Variants in MAF observed in about 807,000 individuals in gnomAD.
The protein encoded by MAF is MAF bZIP transcription factor, also known as transcription factor Maf.
MAF carries 10 observed loss-of-function variants against 22.0 expected under a neutral mutation model. The observed-to-expected ratio is 0.45, with a 90% confidence interval of 0.28 to 0.77. MAF has a LOEUF of 0.77. Among genes scored for constraint, MAF ranks in the 30% least tolerant of loss-of-function variants. The probability of loss-of-function intolerance (pLI) is 0.12; values close to 1 mark genes in which losing one functional copy is unlikely to be tolerated. For synonymous variants in MAF, 337 were observed against 255.8 expected, an observed-to-expected ratio of 1.32 and a Z score of -3.03; for missense variants, 544 against 548.4, an observed-to-expected ratio of 0.99 and a Z score of 0.08.
chr16:79,554,167 C>A, the MAF span, among the ~76,000 whole-genome samples: 2 of 151,976 alleles, frequency 1.3e-5, no homozygotes, highest in African/African-American at 4.8e-5. Context: ...TTCTAAAGTG[C>A]TGTTCACTTA....
the MAF span, among the ~76,000 whole-genome samples, chr16:79,449,686 C>G: frequency 6.6e-6 from 1 of 152,132 alleles, no homozygotes; most frequent in Non-Finnish European, 1.5e-5. Context: ...AGTGATGTTC[C>G]AGAAGTTTTT....
chr16:79,377,094 G>A, the MAF span, among the ~76,000 whole-genome samples: 19 of 152,182 alleles, frequency 1.2e-4, no homozygotes, highest in Middle Eastern at 3.4e-3. Flanking sequence ...CTGAGGAATC[G>A]CCACACTGAC....
At chr16:79,505,714 G>T in the MAF span, 1 of 152,264 alleles carries the variant, frequency 6.6e-6, no homozygotes, top group Non-Finnish European at 1.5e-5. Flanking sequence ...ATAAGGTGAG[G>T]CGACTGGGGT....
chr16:79,528,656 GAGA>G, the MAF span, among the ~76,000 whole-genome samples: 3 of 141,678 alleles, frequency 2.1e-5, no homozygotes, highest in Non-Finnish European at 4.7e-5. Context: ...AATTCGAAGG[GAGA>G]AAAAAAAAAA....
At chr16:79,206,767 G>A in the MAF span, 3 of 152,172 alleles carry the variant, frequency 2.0e-5, no homozygotes, top group Non-Finnish European at 2.9e-5. Context: ...GAAGTATCAC[G>A]GTGGAAGAAG....
chr16:79,279,399 G>T, the MAF span, among the ~76,000 whole-genome samples: 1 of 152,218 alleles, frequency 6.6e-6, no homozygotes, highest in African/African-American at 2.4e-5. Context: ...TAAGGGACAC[G>T]TAAAGGTTAG....
chr16:79,260,029 T>C, the MAF span, among the ~76,000 whole-genome samples: 1 of 152,032 alleles, frequency 6.6e-6, no homozygotes, highest in Non-Finnish European at 1.5e-5. Flanking sequence ...GCTAAGAGAG[T>C]GGGCAGCTGG....
intron 1 of MAF, chr16:79,595,617 A>C: frequency 9.4e-7 from 1 of 1,058,650 alleles, no homozygotes; most frequent in African/African-American, 1.6e-5. Context: ...CCTACTAGTG[A>C]AGGTAGTTTT....
the MAF span, among the ~76,000 whole-genome samples, chr16:79,414,140 C>A: frequency 6.6e-6 from 1 of 152,180 alleles, no homozygotes; most frequent in Non-Finnish European, 1.5e-5. Flanking sequence ...CAAACATTGG[C>A]TGAGCTCTTG....
At chr16:79,221,605 C>G in the MAF span, among the ~76,000 whole-genome samples, 441 of 152,298 alleles carry the variant, frequency 2.9e-3, 5 homozygotes, top group Admixed American at 0.022. Context: ...TCCAGAAATT[C>G]AAATTCTAGC....
chr16:79,456,632 A>C, the MAF span, among the ~76,000 whole-genome samples: 3,990 of 152,266 alleles, frequency 0.026, 61 homozygotes, highest in Middle Eastern at 0.037. Flanking sequence ...CGTTCTTTAC[A>C]ACTGTAAGCT....
chr16:79,456,990 T>C, the MAF span, among the ~76,000 whole-genome samples: 2 of 152,128 alleles, frequency 1.3e-5, no homozygotes, highest in Non-Finnish European at 2.9e-5. Context: ...CTTTGGTGTG[T>C]GTATAAGGGC....
At chr16:79,383,979 C>T in the MAF span, among the ~76,000 whole-genome samples, 5 of 152,216 alleles carry the variant, frequency 3.3e-5, no homozygotes, top group Admixed American at 6.5e-5. Flanking sequence ...GTCCAAAGGG[C>T]GTGGGTTGGC....
the MAF span, among the ~76,000 whole-genome samples, chr16:79,518,321 T>A: frequency 6.6e-6 from 1 of 152,204 alleles, no homozygotes; most frequent in African/African-American, 2.4e-5. Flanking sequence ...ATGGCTTGCC[T>A]GGGAATTTTG....
chr16:79,349,285 C>T, the MAF span, among the ~76,000 whole-genome samples: 1 of 152,182 alleles, frequency 6.6e-6, no homozygotes, highest in African/African-American at 2.4e-5. Flanking sequence ...GGTCAGGCTC[C>T]TAAGAGGGAC....
At chr16:79,374,665 G>A in the MAF span, among the ~76,000 whole-genome samples, 3 of 152,200 alleles carry the variant, frequency 2.0e-5, no homozygotes, top group Non-Finnish European at 2.9e-5. Flanking sequence ...GGAGACAGGT[G>A]CGTAATCAAG....
chr16:79,393,817 T>C, the MAF span, among the ~76,000 whole-genome samples: 4 of 152,156 alleles, frequency 2.6e-5, no homozygotes, highest in Admixed American at 2.0e-4. Context: ...GAGGAGCTGA[T>C]GAATGCTGGG....
the MAF span, among the ~76,000 whole-genome samples, chr16:79,454,047 A>C: frequency 6.6e-6 from 1 of 152,218 alleles, no homozygotes; most frequent in African/African-American, 2.4e-5. Flanking sequence ...GCCAACTCCT[A>C]AACAGAGAAA....
At chr16:79,405,490 A>G in the MAF span, among the ~76,000 whole-genome samples, 1 of 152,218 alleles carries the variant, frequency 6.6e-6, no homozygotes, top group African/African-American at 2.4e-5. Flanking sequence ...TTCATTGTCT[A>G]TGTAAACATG....
Sources: allele counts gnomAD v4.1 joint callset (sites outside exome capture counted in the v4.1 genomes callset), GRCh38; gene constraint gnomAD v4.1.1; transcripts MANE v1.5; gene names NCBI Gene and HGNC (gene_info 2026-07-23, HGNC 2026-07-21).